The following ADCK5 variants were observed in gnomAD, a reference collection of about 807,000 sequenced individuals.
ADCK5 encodes aarF domain containing kinase 5.
ADCK5 carries 43 observed loss-of-function variants against 64.9 expected under a neutral mutation model. That is an observed-to-expected ratio of 0.66 (90% confidence interval 0.52 to 0.85). The LOEUF is 0.85. ADCK5 is among the 40% of genes least tolerant of loss of function. The pLI is 0.00. For synonymous variants in ADCK5, 434 were observed against 342.8 expected, an observed-to-expected ratio of 1.27 and a Z score of -2.94; for missense variants, 760 against 810.5, an observed-to-expected ratio of 0.94 and a Z score of 0.76.
intron 2 of ADCK5, among the ~76,000 whole-genome samples, chr8:144,379,799 C>T (rs1586577142): frequency 6.6e-6 from 1 of 152,020 alleles, no homozygotes. Flanking sequence ...TGGAGGAGGG[C>T]GGGGTGACTA....
At chr8:144,379,777 T>G (rs1819521213) in intron 2 of ADCK5, among the ~76,000 whole-genome samples, 1 of 151,964 alleles carries the variant, frequency 6.6e-6, no homozygotes, top group African/African-American at 2.4e-5. Flanking sequence ...GCAAACCGGG[T>G]CATTCAGAGC....
At chr8:144,388,142 G>A (rs1206169571) in intron 3 of ADCK5, among the ~76,000 whole-genome samples, 2 of 151,776 alleles carry the variant, frequency 1.3e-5, no homozygotes, top group Non-Finnish European at 1.5e-5. Context: ...GGCGGATCAC[G>A]AGGTCAGGAG....
chr8:144,390,449 T>C (rs1820160439), intron 3 of ADCK5, among the ~76,000 whole-genome samples: 1 of 152,194 alleles, frequency 6.6e-6, no homozygotes, highest in Non-Finnish European at 1.5e-5. Flanking sequence ...GATCTTGAGC[T>C]GAGACTGACC....
chr8:144,392,783 C>T lies in ADCK5; in HGVS notation c.1528C>T (p.Arg510Trp), dbSNP rs1554861547. Reference sequence around the variant, plus strand: ...TAACGCGGGTGTGTGCAGGGCTGTCCGGGGCTGGAGCCGCCTGGCGGGCGC... The same window carrying T: ...TAACGCGGGTGTGTGCAGGGCTGTCTGGGGCTGGAGCCGCCTGGCGGGCGC... ...RYFLMAKRAVRGWSRLAGATY... is the reference protein window; with the variant it reads ...RYFLMAKRAVWGWSRLAGATY... Residue 510 changes from arginine to tryptophan, a missense_variant, in exon 14 of 15, where the codon CGG becomes TGG. This residue lies in a region of ADCK5 where 333 missense variants were observed against 292.0 expected (regional missense o/e 1.14). Transcript: ENST00000308860. 32 of 1,593,024 alleles carry T rather than the reference C, an allele frequency of 2.0e-5. No homozygotes were observed. Among genetic ancestry groups the T allele is most frequent in the Admixed American group, 5.1e-5 (3 of 58,758 alleles).
At chr8:144,377,084 C>T (rs1239229148) in intron 1 of ADCK5, among the ~76,000 whole-genome samples, 2 of 152,236 alleles carry the variant, frequency 1.3e-5, no homozygotes, top group South Asian at 2.1e-4. Flanking sequence ...ACCATGTTAG[C>T]GTCTGTGCCA....
chr8:144,392,058 G>C, intron 10 of ADCK5, 34 bp from the exon 11 acceptor site: 1 of 1,612,354 alleles, frequency 6.2e-7, no homozygotes, highest in Non-Finnish European at 8.5e-7. Flanking sequence ...GTCTCAGGGT[G>C]GGCGCAGCGC....
At position 144,385,899 on chromosome 8, in the gene ADCK5, G is replaced by T. The variant is rs538652711; in HGVS notation, c.266+2669G>T. Among the ~76,000 whole-genome samples the T allele has an allele frequency of 4.0e-5, 6 of 151,442 alleles. No homozygotes were observed. The East Asian group carries it at 1.2e-3, about 31-fold the overall frequency. ...GAATGGCGTGAACCCGGGAGGCGGAGCTTGCAGTGAGCCAAGATCACGCCA... is the reference window on the plus strand; with the variant it reads ...GAATGGCGTGAACCCGGGAGGCGGATCTTGCAGTGAGCCAAGATCACGCCA... On this transcript the variant is annotated intron_variant, in intron 3 of 14. Coordinates refer to ENST00000308860, the MANE Select transcript of ADCK5 (RefSeq NM_174922.5).
intron 2 of ADCK5, among the ~76,000 whole-genome samples, chr8:144,382,401 C>T (rs1217537947): frequency 1.3e-5 from 2 of 152,218 alleles, no homozygotes; most frequent in African/African-American, 4.8e-5. Flanking sequence ...AGAGCTCCTG[C>T]TGTATTCAGC....
intron 3 of ADCK5, 75 bp from the exon 4 acceptor site, chr8:144,390,596 G>A (rs1820169724): frequency 5.5e-6 from 8 of 1,449,486 alleles, no homozygotes; most frequent in Non-Finnish European, 7.6e-6. Flanking sequence ...TAGACCATGA[G>A]GGCTCTGACA....
At chr8:144,374,866 G>A (rs575604147) in intron 1 of ADCK5, among the ~76,000 whole-genome samples, 4 of 152,348 alleles carry the variant, frequency 2.6e-5, no homozygotes, top group Admixed American at 6.5e-5. Flanking sequence ...GGGTCCCGTT[G>A]CTCTGTCCCT....
chr8:144,382,071 C>T (rs1353072085), intron 2 of ADCK5, among the ~76,000 whole-genome samples: 6 of 134,066 alleles, frequency 4.5e-5, no homozygotes, highest in African/African-American at 9.9e-5. Flanking sequence ...GATTATGGGC[C>T]GGGTGTAGAA....
chr8:144,382,976 T>A (rs1380551509), intron 2 of ADCK5, 105 bp from the exon 3 acceptor site: 4 of 1,457,462 alleles, frequency 2.7e-6, no homozygotes, highest in Non-Finnish European at 3.7e-6. Flanking sequence ...TCAGAATGGC[T>A]GTGCACACAG....
intron 2 of ADCK5, among the ~76,000 whole-genome samples, chr8:144,381,668 A>G (rs12549535): frequency 9.2e-5 from 11 of 118,950 alleles, no homozygotes; most frequent in African/African-American, 3.3e-4. Context: ...GTGCTCAGGC[A>G]CCTCCCGCAG....
rs1165874153 is a variant in ADCK5, at chr8:144,392,302, C to G, written c.1224C>G (p.Asp408Glu). 2 of 1,505,376 alleles carry G rather than the reference C, an allele frequency of 1.3e-6. No individual in the cohort carries two copies. The highest frequency in any genetic ancestry group is 1.8e-6 in the Non-Finnish European group (2 of 1,130,184). 93.3% of individuals were successfully genotyped at this position (1,505,376 alleles called of 1,614,324 possible). ...TGTGGCGGGCCATCATCCTGCGGGA[C>G]GACGCCGCCATGAGGGCGCACGCAG... ...CQLWRAIILR[D>E]DAAMRAHAAA... The change falls in exon 12 of 15, where the codon GAC (aspartate) becomes GAG (glutamate). Residue 408 changes from aspartate to glutamate, a missense_variant. Asp to Glu is a conservative substitution (Grantham distance 45, BLOSUM62 2). This residue lies in a region of ADCK5 where 333 missense variants were observed against 292.0 expected (regional missense o/e 1.14). Coordinates refer to ENST00000308860, the MANE Select transcript of ADCK5 (RefSeq NM_174922.5).
chr8:144,373,137 G>T (rs1554856379), upstream of ADCK5: 1 of 152,440 alleles, frequency 6.6e-6, no homozygotes, highest in Admixed American at 6.5e-5. Flanking sequence ...AGGAGCCCTC[G>T]TGGATTCCAC....
chr8:144,382,820 A>G (rs1408115970), intron 2 of ADCK5, among the ~76,000 whole-genome samples: 1 of 152,220 alleles, frequency 6.6e-6, no homozygotes, highest in African/African-American at 2.4e-5. Context: ...TCCATGTCCC[A>G]TGGCCCATTG....
chr8:144,378,182 A>T (rs1554857502), intron 1 of ADCK5, among the ~76,000 whole-genome samples: 2 of 152,142 alleles, frequency 1.3e-5, no homozygotes, highest in Non-Finnish European at 2.9e-5. Context: ...TAGTGTTTCC[A>T]TTACGGAATC....
intron 3 of ADCK5, among the ~76,000 whole-genome samples, chr8:144,390,319 G>A (rs1820152883): frequency 6.6e-6 from 1 of 152,186 alleles, no homozygotes; most frequent in African/African-American, 2.4e-5. Context: ...GGTAGAGACA[G>A]GGTTTCAACA....
rs3817680 is a variant in ADCK5 at position 144,393,222 on chromosome 8, A to C, written c.*148A>C. ...GGCCAGGAGGCCGTGTAATGACCAC[A>C]CACTCCTCTCAAGCAAAAAATGTTT... On this transcript the variant is annotated 3_prime_UTR_variant, in exon 15 of 15. Coordinates refer to ENST00000308860, the MANE Select transcript of ADCK5 (RefSeq NM_174922.5). 3.3e-3 allele frequency: 4,565 copies of C among 1,379,982 alleles called. 21 individuals are homozygous for C. The highest frequency in any genetic ancestry group is 0.015 in the East Asian group (581 of 39,716). The allele number at this position is 1,379,982 out of a possible 1,614,324, so 85.5% of individuals were successfully genotyped here.
Sources: allele counts gnomAD v4.1 joint callset (sites outside exome capture counted in the v4.1 genomes callset), GRCh38; gene constraint gnomAD v4.1.1; regional missense constraint gnomAD v4.1.1; transcripts MANE v1.5; gene names NCBI Gene and HGNC (gene_info 2026-07-23, HGNC 2026-07-21).